The following CBLB variants were observed in gnomAD, a reference collection of about 807,000 sequenced individuals.
The protein encoded by CBLB is Cbl proto-oncogene B, also known as E3 ubiquitin-protein ligase CBL-B.
A neutral mutation model predicts 104.9 loss-of-function variants in CBLB; 31 were observed. The ratio of observed to expected loss-of-function variants is 0.30; its 90% CI spans 0.22 to 0.40. The LOEUF is 0.40. Ranked by LOEUF, CBLB falls within the 10% of genes least tolerant of loss-of-function variation. The probability of loss-of-function intolerance (pLI) is 1.00; values close to 1 mark genes in which losing one functional copy is unlikely to be tolerated. For synonymous variants in CBLB, 440 were observed against 422.6 expected, an observed-to-expected ratio of 1.04 and a Z score of -0.51; for missense variants, 1,062 against 1,214.6, an observed-to-expected ratio of 0.87 and a Z score of 1.87.
chr3:105,716,086 G>C (rs1232127047), intron 10 of CBLB, among the ~76,000 whole-genome samples: 1 of 152,082 alleles, frequency 6.6e-6, no homozygotes, highest in Non-Finnish European at 1.5e-5. Context: ...AAATGAATGA[G>C]TGAATGAATG....
chr3:105,723,174 A>G (rs907696382), intron 9 of CBLB, among the ~76,000 whole-genome samples: 7 of 152,170 alleles, frequency 4.6e-5, no homozygotes, highest in African/African-American at 1.7e-4. Context: ...TACTTTGGTT[A>G]CTCTGCCCTA....
At chr3:105,861,891 A>G (rs948771547) in intron 2 of CBLB, among the ~76,000 whole-genome samples, 3 of 152,106 alleles carry the variant, frequency 2.0e-5, no homozygotes, top group African/African-American at 7.2e-5. Context: ...ATGGCCTCTA[A>G]TCATACAATT....
chr3:105,766,127 C>A (rs1397914851), intron 4 of CBLB, among the ~76,000 whole-genome samples: 1 of 152,106 alleles, frequency 6.6e-6, no homozygotes, highest in African/African-American at 2.4e-5. Flanking sequence ...GAAGAAGTAA[C>A]TGTAGATGTA....
chr3:105,730,115 C>G (rs553983532), intron 9 of CBLB, among the ~76,000 whole-genome samples: 5 of 151,482 alleles, frequency 3.3e-5, no homozygotes, highest in Admixed American at 2.6e-4. Context: ...AAACATGAAC[C>G]GGGGATTACT....
chr3:105,662,324 C>T (rs1413792572), intron 18 of CBLB, among the ~76,000 whole-genome samples: 1 of 152,176 alleles, frequency 6.6e-6, no homozygotes, highest in Non-Finnish European at 1.5e-5. Context: ...AAACTATCTT[C>T]TGGTCCCCTA....
chr3:105,737,682 A>G (rs768746360), intron 7 of CBLB, among the ~76,000 whole-genome samples: 1 of 152,148 alleles, frequency 6.6e-6, no homozygotes, highest in Non-Finnish European at 1.5e-5. Context: ...GGAAAGAAAA[A>G]TATAATTAAA....
chr3:105,776,164 TCATGAAATAAATAA>T (rs1157096828), intron 4 of CBLB, among the ~76,000 whole-genome samples: 3 of 152,282 alleles, frequency 2.0e-5, no homozygotes, highest in Non-Finnish European at 4.4e-5. Context: ...CAATGAATGC[TCATGAAATAAATAA>T]CATTGTATAA....
In CBLB at chr3:105,658,698, G is replaced by T; in HGVS notation, c.*272C>A. 1 of 501,884 alleles carries T rather than the reference G, an allele frequency of 2.0e-6. No homozygotes were observed. The highest frequency in any genetic ancestry group is 3.2e-5 in the East Asian group (1 of 30,910). The allele number at this position is 501,884 out of a possible 1,614,324, so 31.1% of individuals were successfully genotyped here. ...GTAAACAAGGTAAAGCATTTCACAGGTTCAAAGTTCAAGGGAAGTAAACGT... is the reference window on the plus strand; with the variant it reads ...GTAAACAAGGTAAAGCATTTCACAGTTTCAAAGTTCAAGGGAAGTAAACGT... On this transcript the variant is annotated 3_prime_UTR_variant, in exon 19 of 19. Transcript: ENST00000394030.
intron 13 of CBLB, among the ~76,000 whole-genome samples, chr3:105,686,041 T>G (rs971081686): frequency 4.6e-5 from 7 of 152,200 alleles, no homozygotes; most frequent in Non-Finnish European, 8.8e-5. Flanking sequence ...ATGAATGGAA[T>G]GATTAGATGT....
chr3:105,823,400 C>A (rs1388079847), intron 3 of CBLB, among the ~76,000 whole-genome samples: 1 of 152,196 alleles, frequency 6.6e-6, no homozygotes, highest in Non-Finnish European at 1.5e-5. Context: ...ACCATTATTT[C>A]TCTTGCTATA....
chr3:105,867,600 G>C lies in CBLB; in HGVS notation c.-14-9C>G. The C allele has an allele frequency of 6.2e-7, 1 of 1,613,146 alleles. No homozygotes were observed. Among genetic ancestry groups the C allele is most frequent in the Non-Finnish European group, 8.5e-7 (1 of 1,179,222 alleles). ...CATCTGGAATTTTAGTTCTTTAAAA[G>C]GCAGATTTAAAAAAAGAAAAGTTAG... On this transcript the variant is annotated splice_polypyrimidine_tract_variant and intron_variant, in intron 1 of 18. Coordinates refer to ENST00000394030, the MANE Select transcript of CBLB (RefSeq NM_170662.5).
chr3:105,658,115 TTG>T lies in CBLB; in HGVS notation c.*853_*854del. The stretch of plus-strand genomic sequence containing the variant: ...CTTGTTATATAACTTCAGTACAGCA[TTG>T]TCTTATACAAGTGTTCTCTCTTCCA... On this transcript the variant is annotated 3_prime_UTR_variant, in exon 19 of 19. Coordinates refer to ENST00000394030, the MANE Select transcript of CBLB (RefSeq NM_170662.5). The T allele has an allele frequency of 4.6e-6, 1 of 217,042 alleles. No individual in the cohort carries two copies. Among genetic ancestry groups the T allele is most frequent in the East Asian group, 6.8e-5 (1 of 14,644 alleles). 13.4% of individuals were successfully genotyped at this position (217,042 alleles called of 1,614,324 possible). A position where few individuals can be genotyped will look rare whatever the true frequency, so the allele number is the denominator to read the frequency against.
intron 8 of CBLB, among the ~76,000 whole-genome samples, chr3:105,734,643 G>C (rs777552184): frequency 2.8e-4 from 42 of 152,136 alleles, no homozygotes; most frequent in Non-Finnish European, 5.1e-4. Flanking sequence ...CCGCATGCCA[G>C]GCACTGTGGT....
At chr3:105,685,758 C>T (rs1469986733) in intron 13 of CBLB, among the ~76,000 whole-genome samples, 1 of 151,996 alleles carries the variant, frequency 6.6e-6, no homozygotes, top group East Asian at 1.9e-4. Context: ...ATTTGTAAGA[C>T]AAAATGTACA....
chr3:105,838,083 CTTTTTTTT>C (rs11294272), intron 3 of CBLB, among the ~76,000 whole-genome samples: 1 of 116,348 alleles, frequency 8.6e-6, no homozygotes, highest in Non-Finnish European at 1.8e-5. Flanking sequence ...TCCTTTTTTT[CTTTTTTTT>C]TTTTTTTCTG....
At chr3:105,862,093 CT>C (rs1210701623) in intron 2 of CBLB, among the ~76,000 whole-genome samples, 4 of 152,100 alleles carry the variant, frequency 2.6e-5, no homozygotes, top group African/African-American at 9.7e-5. Flanking sequence ...AATTACACCC[CT>C]CAATCTCCCC....
chr3:105,812,197 G>A (rs961770610), intron 3 of CBLB, among the ~76,000 whole-genome samples: 6 of 152,150 alleles, frequency 3.9e-5, no homozygotes, highest in Non-Finnish European at 7.3e-5. Flanking sequence ...TGACTGGCTA[G>A]CTATAAATAT....
In CBLB at chr3:105,740,426, C is replaced by T. The variant is rs898456979; in HGVS notation, c.983+68G>A. On this transcript the variant is annotated intron_variant, in intron 7 of 18. Transcript: ENST00000394030. ...CAGCCTTGCTATCCATTTTCGCCAT[C>T]ACAAAGCAATCTTTATTTTTCAAAT... is the stretch of plus-strand genomic sequence containing the variant. The T allele has an allele frequency of 2.3e-5, 36 of 1,558,918 alleles. No individual in the cohort carries two copies. In the African/African-American group the frequency reaches 4.6e-4, roughly 20 times the overall value.
chr3:105,811,420 G>T (rs532005902), intron 3 of CBLB, among the ~76,000 whole-genome samples: 1 of 152,274 alleles, frequency 6.6e-6, no homozygotes, highest in Non-Finnish European at 1.5e-5. Flanking sequence ...GTGGCTTTGA[G>T]TAAGTCACGG....
Sources: allele counts gnomAD v4.1 joint callset (sites outside exome capture counted in the v4.1 genomes callset), GRCh38; gene constraint gnomAD v4.1.1; transcripts MANE v1.5; gene names NCBI Gene and HGNC (gene_info 2026-07-23, HGNC 2026-07-21).